The following FBLN1 variants were observed in gnomAD, a reference collection of about 807,000 sequenced individuals.
FBLN1 encodes fibulin 1.
A neutral mutation model predicts 89.7 loss-of-function variants in FBLN1; 34 were observed. The ratio of observed to expected loss-of-function variants is 0.38; its 90% CI spans 0.29 to 0.50. The LOEUF (loss-of-function observed/expected upper bound fraction) is 0.50. Ranked by LOEUF, FBLN1 falls within the 20% of genes least tolerant of loss-of-function variation. The probability of loss-of-function intolerance (pLI) is 0.92; values close to 1 mark genes in which losing one functional copy is unlikely to be tolerated. For synonymous variants in FBLN1, 393 were observed against 391.3 expected (o/e 1.00, Z -0.05); for missense variants, 777 against 988.1 (o/e 0.79, Z 2.86).
intron 8 of FBLN1, 154 bp downstream of exon 8, chr22:45,535,491 A>G: frequency 1.2e-6 from 1 of 841,198 alleles, no homozygotes; most frequent in Non-Finnish European, 1.9e-6. Context: ...AATAGAGCAA[A>G]TACTTTAGCC....
chr22:45,552,649 GC>G (rs1245033801), intron 14 of FBLN1, among the ~76,000 whole-genome samples: 1 of 152,236 alleles, frequency 6.6e-6, no homozygotes, highest in Non-Finnish European at 1.5e-5. Context: ...TCCTTCGGGA[GC>G]CTTGACAGAC....
intron 16 of FBLN1, among the ~76,000 whole-genome samples, chr22:45,587,188 C>T (rs1477389449): frequency 2.0e-5 from 3 of 152,150 alleles, no homozygotes; most frequent in African/African-American, 7.2e-5. Context: ...GAACCCACTC[C>T]CCACACCCAC....
chr22:45,562,212 G>C lies in FBLN1; in HGVS notation c.1697+11597G>C, dbSNP rs192166239. Among the ~76,000 whole-genome samples the C allele has an allele frequency of 6.6e-6, 1 of 152,234 alleles. No individual in the cohort carries two copies. Among genetic ancestry groups the C allele is most frequent in the African/African-American group, 2.4e-5 (1 of 41,464 alleles). On this transcript the variant is annotated intron_variant, in intron 14 of 16. Coordinates refer to ENST00000327858, the MANE Select transcript of FBLN1 (RefSeq NM_006486.3). The surrounding 1 kb of genome is among the most constrained non-coding windows in gnomAD (Gnocchi z 7.8). The stretch of plus-strand genomic sequence containing the variant: ...CCTGTCTCTGTTTCTATCACAGGAA[G>C]TTGGGATCTGGCCCTGTGGACCCAG...
Position 45,502,892 on chromosome 22 carries a change from C to T in FBLN1, c.-94C>T, listed in dbSNP as rs1031652404. 8 of 427,174 alleles carry T rather than the reference C, an allele frequency of 1.9e-5. No homozygotes were observed. In the East Asian group the frequency reaches 7.1e-4, roughly 38 times the overall value. 26.5% of individuals were successfully genotyped at this position (427,174 alleles called of 1,614,324 possible). ...GCGGCCCTGGCCCAGCGTTGGCTGCCGAGGCTCGGCCGGAGCGTGGAGCCC... is the reference window on the plus strand; with the variant it reads ...GCGGCCCTGGCCCAGCGTTGGCTGCTGAGGCTCGGCCGGAGCGTGGAGCCC... On this transcript the variant is annotated 5_prime_UTR_variant, in exon 1 of 17. Transcript: ENST00000327858.
Position 45,525,438 on chromosome 22 carries a change from C to A in FBLN1, c.186-105C>A, listed in dbSNP as rs530469232. The A allele has an allele frequency of 7.2e-5, 72 of 993,760 alleles. No individual in the cohort carries two copies. The African/African-American group carries it at 1.1e-3, about 15-fold the overall frequency. The allele number at this position is 993,760 out of a possible 1,614,324, so 61.6% of individuals were successfully genotyped here. On this transcript the variant is annotated intron_variant, in intron 2 of 16. Transcript: ENST00000327858. ...ATTTCTCTCTCTGTGTCTGTGGGAG[C>A]AGGGAAGGGGAGGCTCAAAGGTGAG...
chr22:45,518,807 C>G lies in FBLN1; in HGVS notation c.185+20C>G. Reference sequence around the variant, plus strand: ...ATGCAGGTACGTTTGCCAGTGGCCACTGTTTCACTGGAACAATGTTCCTTT... The same window carrying G: ...ATGCAGGTACGTTTGCCAGTGGCCAGTGTTTCACTGGAACAATGTTCCTTT... On this transcript the variant is annotated intron_variant, in intron 2 of 16. Transcript: ENST00000327858. 1 of 1,561,838 alleles carries G rather than the reference C, an allele frequency of 6.4e-7. No homozygotes were observed. Among genetic ancestry groups the G allele is most frequent in the South Asian group, 1.2e-5 (1 of 86,776 alleles).
At chr22:45,567,325 T>C (rs1381588907) in intron 14 of FBLN1, among the ~76,000 whole-genome samples, 1 of 152,170 alleles carries the variant, frequency 6.6e-6, no homozygotes, top group African/African-American at 2.4e-5. Flanking sequence ...AAATAAGATA[T>C]GCAAAATGGG....
intron 2 of FBLN1, among the ~76,000 whole-genome samples, chr22:45,521,965 T>C (rs1011145946): frequency 2.0e-5 from 3 of 152,086 alleles, no homozygotes; most frequent in African/African-American, 7.2e-5. Flanking sequence ...CCACCTGGTT[T>C]GTCTGTTGTG....
rs753053370 is a variant in FBLN1 at position 45,541,430 on chromosome 22, C to G, written c.1066+58C>G. On this transcript the variant is annotated intron_variant, in intron 9 of 16. Transcript: ENST00000327858. ...TTTCCTGTCTGCTTCCAGCATGCAC[C>G]CTGCCTTCTCTGGAAGCAGAAAGTT... 8 of 1,603,586 alleles carry G rather than the reference C, an allele frequency of 5.0e-6. No homozygotes were observed. The South Asian group carries it at 8.8e-5, about 18-fold the overall frequency.
Position 45,550,489 on chromosome 22 carries a change from C to G in FBLN1, c.1574-3C>G, listed in dbSNP as rs112061590. The G allele has an allele frequency of 6.2e-7, 1 of 1,613,984 alleles. No homozygotes were observed. The highest frequency in any genetic ancestry group is 8.5e-7 in the Non-Finnish European group (1 of 1,180,036). ...CACTGTGCTGCTGTGGGGTCTCTTG[C>G]AGACATTGATGAGTGTGTGACTGGC... is the stretch of plus-strand genomic sequence containing the variant. On this transcript the variant is annotated splice_region_variant and splice_polypyrimidine_tract_variant and intron_variant, in intron 13 of 16. Transcript: ENST00000327858. The surrounding 1 kb of genome is among the most constrained non-coding windows in gnomAD (Gnocchi z 8.4).
chr22:45,540,778 G>C (rs1432453717), intron 8 of FBLN1, among the ~76,000 whole-genome samples: 1 of 152,206 alleles, frequency 6.6e-6, no homozygotes, highest in Non-Finnish European at 1.5e-5. Flanking sequence ...AGTGAGCTCA[G>C]GGAGCCATGG....
Position 45,527,945 on chromosome 22 carries a change from C to T in FBLN1, c.420C>T (p.Phe140=). 1 of 1,614,202 alleles carries T rather than the reference C, an allele frequency of 6.2e-7. No homozygotes were observed. Among genetic ancestry groups the T allele is most frequent in the Non-Finnish European group, 8.5e-7 (1 of 1,180,046 alleles). Residue 140 remains phenylalanine, a synonymous_variant, in exon 4 of 17, where the codon TTC becomes TTT. Transcript: ENST00000327858. ...LMVGYQCGQV[F]QACCVKSQET... ...TTGGCTACCAGTGTGGACAGGTCTTCCAGGCATGCTGTGTCAAGAGCCAGG... is the reference window on the plus strand; with the variant it reads ...TTGGCTACCAGTGTGGACAGGTCTTTCAGGCATGCTGTGTCAAGAGCCAGG...
chr22:45,594,667 T>C (rs2089167795), intron 16 of FBLN1, among the ~76,000 whole-genome samples: 1 of 151,852 alleles, frequency 6.6e-6, no homozygotes, highest in South Asian at 2.1e-4. Context: ...GTTGGATCCA[T>C]GGGTAGGTGA....
intron 10 of FBLN1, 96 bp downstream of exon 10, chr22:45,542,379 T>C: frequency 6.7e-7 from 1 of 1,501,116 alleles, no homozygotes; most frequent in Non-Finnish European, 9.2e-7. Context: ...CTGATCCTCA[T>C]CTCAGATAAT....
intron 16 of FBLN1, among the ~76,000 whole-genome samples, chr22:45,594,531 T>C (rs1024139395): frequency 3.3e-5 from 5 of 152,002 alleles, no homozygotes; most frequent in African/African-American, 1.2e-4. Context: ...CTGTGCAGAG[T>C]AGCCTCTAAT....
rs770254879 is a variant in FBLN1 at position 45,576,934 on chromosome 22, G to A, written c.1841-43G>A. The A allele has an allele frequency of 8.7e-6, 14 of 1,611,218 alleles. No individual in the cohort carries two copies. The Admixed American group carries it at 2.3e-4, about 27-fold the overall frequency. On this transcript the variant is annotated intron_variant, in intron 15 of 16. Coordinates refer to ENST00000327858, the MANE Select transcript of FBLN1 (RefSeq NM_006486.3). The surrounding 1 kb of genome is among the most constrained non-coding windows in gnomAD (Gnocchi z 5.2). ...GGGACGAGGCTGGGACTGGGGCTGG[G>A]GCCAGGCTGTGCTGAGCCCTTCTCC...
chr22:45,506,252 A>T (rs2088019346), intron 1 of FBLN1, among the ~76,000 whole-genome samples: 1 of 152,156 alleles, frequency 6.6e-6, no homozygotes, highest in South Asian at 2.1e-4. Context: ...TTTCCCCAAG[A>T]TGCCTCTGCA....
chr22:45,542,017 T>G, intron 9 of FBLN1, 138 bp from the exon 10 acceptor site: 1 of 1,309,758 alleles, frequency 7.6e-7, no homozygotes, highest in Admixed American at 1.8e-5. Context: ...ACTCAGTAGG[T>G]GCTCTGTGAA....
At chr22:45,598,673 A>C (rs2089206400) in intron 16 of FBLN1, among the ~76,000 whole-genome samples, 1 of 152,146 alleles carries the variant, frequency 6.6e-6, no homozygotes, top group Non-Finnish European at 1.5e-5. Context: ...ACCAGCTTTG[A>C]AACCAGCATC....
Sources: allele counts gnomAD v4.1 joint callset (sites outside exome capture counted in the v4.1 genomes callset), GRCh38; gene constraint gnomAD v4.1.1; non-coding constraint Gnocchi (gnomAD v3.1); transcripts MANE v1.5; gene names NCBI Gene and HGNC (gene_info 2026-07-23, HGNC 2026-07-21).